ABHD17C: variants seen among roughly 807,000 people sequenced by gnomAD.
ABHD17C encodes abhydrolase domain containing 17C, depalmitoylase.
Under a neutral mutation model 27.9 loss-of-function variants are expected in ABHD17C, and 11 were observed. The ratio of observed to expected loss-of-function variants is 0.39; its 90% CI spans 0.25 to 0.65. ABHD17C has a LOEUF of 0.65. ABHD17C is among the 30% of genes least tolerant of loss of function. The probability of loss-of-function intolerance (pLI) is 0.45; values close to 1 mark genes in which losing one functional copy is unlikely to be tolerated. For missense variants in ABHD17C, 280 were observed against 470.2 expected, an observed-to-expected ratio of 0.60 and a Z score of 3.74; for synonymous variants, 233 against 209.1, an observed-to-expected ratio of 1.11 and a Z score of -0.98.
intron 2 of ABHD17C, among the ~76,000 whole-genome samples, chr15:80,751,921 G>A (rs1272788466): frequency 2.0e-5 from 3 of 152,180 alleles, no homozygotes; most frequent in African/African-American, 7.2e-5. Flanking sequence ...GTCCGTTGTT[G>A]CCAGATGGCA....
intron 1 of ABHD17C, among the ~76,000 whole-genome samples, chr15:80,713,900 C>CCACACACACACACACA (rs58311304): frequency 9.2e-5 from 13 of 141,144 alleles, no homozygotes; most frequent in South Asian, 2.4e-4. Context: ...CATATACAGA[C>CCACACACACACACACA]CACACACACA....
intron 2 of ABHD17C, among the ~76,000 whole-genome samples, chr15:80,751,807 C>T (rs1445167569): frequency 6.6e-6 from 1 of 152,120 alleles, no homozygotes; most frequent in Admixed American, 6.5e-5. Flanking sequence ...GAGACAAATC[C>T]TCATATTTAA....
chr15:80,723,887 G>A (rs1399375782), intron 1 of ABHD17C, among the ~76,000 whole-genome samples: 2 of 152,176 alleles, frequency 1.3e-5, no homozygotes, highest in Non-Finnish European at 2.9e-5. Context: ...CCTCCTGACG[G>A]CCTCTGAGCA....
chr15:80,720,153 G>C (rs180947688), intron 1 of ABHD17C, among the ~76,000 whole-genome samples: 1 of 152,110 alleles, frequency 6.6e-6, no homozygotes. Flanking sequence ...CATTTGCTCA[G>C]ATGTTTCTGT....
chr15:80,739,340 A>T (rs1412997416), intron 1 of ABHD17C, among the ~76,000 whole-genome samples: 1 of 152,078 alleles, frequency 6.6e-6, no homozygotes, highest in East Asian at 1.9e-4. Context: ...ACTGCCCTAC[A>T]TGTTGAATTT....
At chr15:80,718,784 A>G (rs779605757) in intron 1 of ABHD17C, among the ~76,000 whole-genome samples, 1 of 152,220 alleles carries the variant, frequency 6.6e-6, no homozygotes, top group Non-Finnish European at 1.5e-5. Context: ...CATCATTCCA[A>G]TAGAGTGGCG....
chr15:80,702,570 C>T (rs535246163), intron 1 of ABHD17C: 227 of 152,286 alleles, frequency 1.5e-3, no homozygotes, highest in African/African-American at 5.0e-3. Flanking sequence ...CATTCCCTAC[C>T]TTATATTACT....
chr15:80,715,906 C>G (rs1356840417), intron 1 of ABHD17C, among the ~76,000 whole-genome samples: 1 of 152,096 alleles, frequency 6.6e-6, no homozygotes, highest in African/African-American at 2.4e-5. Flanking sequence ...CATAGTCTTT[C>G]CCTATTTGAC....
rs963211896 is a variant in ABHD17C, at chr15:80,695,616, A to ACCG, written c.201_203dup (p.Ala69dup). 76 of 1,170,216 alleles carry ACCG rather than the reference A, an allele frequency of 6.5e-5. 1 individual carries two copies. Among genetic ancestry groups the ACCG allele is most frequent in the South Asian group, 2.5e-4 (6 of 24,224 alleles). The allele number at this position is 1,170,216 out of a possible 1,614,324, so 72.5% of individuals were successfully genotyped here. A position where few individuals can be genotyped will look rare whatever the true frequency, so the allele number is the denominator to read the frequency against. ...GTCCGCCCCGGCCCCGGCCCAGGCT[A>ACCG]CCGCCGCCGCCGCCGCGGCCCAGCC... is the stretch of plus-strand genomic sequence containing the variant. On this transcript the variant is annotated inframe_insertion, in exon 1 of 3. Coordinates refer to ENST00000258884, the MANE Select transcript of ABHD17C (RefSeq NM_021214.2). The surrounding 1 kb of genome is among the most constrained non-coding windows in gnomAD (Gnocchi z 4.3).
chr15:80,730,222 C>A (rs1293420682), intron 1 of ABHD17C, among the ~76,000 whole-genome samples: 1 of 152,146 alleles, frequency 6.6e-6, no homozygotes, highest in Non-Finnish European at 1.5e-5. Context: ...ATGCTCAGAA[C>A]AACTCCACCT....
At chr15:80,744,297 G>A (rs898027102) in intron 1 of ABHD17C, among the ~76,000 whole-genome samples, 4 of 152,042 alleles carry the variant, frequency 2.6e-5, no homozygotes, top group Non-Finnish European at 4.4e-5. Flanking sequence ...AATTTCCCAA[G>A]TAATTCAGAT....
intron 2 of ABHD17C, 80 bp downstream of exon 2, chr15:80,749,772 A>AC: frequency 2.0e-6 from 3 of 1,480,302 alleles, no homozygotes; most frequent in Non-Finnish European, 2.8e-6. Context: ...ATATCTGTGT[A>AC]AATATTTATT....
At chr15:80,701,568 A>T (rs1364788636) in intron 1 of ABHD17C, among the ~76,000 whole-genome samples, 1 of 151,592 alleles carries the variant, frequency 6.6e-6, no homozygotes, top group South Asian at 2.1e-4. Flanking sequence ...AATCCCACCT[A>T]CTCAAGAGGC....
Position 80,754,510 on chromosome 15 carries a change from T to A in ABHD17C, c.*140T>A. ...TAGGGTGTTCTAATCAAAGAGCTGA[T>A]GAAATCTCAGTCTTTTGTATCTAGA... On this transcript the variant is annotated 3_prime_UTR_variant, in exon 3 of 3. Transcript: ENST00000258884. 1 of 685,816 alleles carries A rather than the reference T, an allele frequency of 1.5e-6. No individual in the cohort carries two copies. The highest frequency in any genetic ancestry group is 2.4e-6 in the Non-Finnish European group (1 of 415,428). 42.5% of individuals were successfully genotyped at this position (685,816 alleles called of 1,614,324 possible).
At chr15:80,717,338 T>C (rs1894818593) in intron 1 of ABHD17C, among the ~76,000 whole-genome samples, 1 of 152,018 alleles carries the variant, frequency 6.6e-6, no homozygotes, top group Admixed American at 6.5e-5. Flanking sequence ...CTTGGGCTTA[T>C]TATTAATTTG....
intron 1 of ABHD17C, among the ~76,000 whole-genome samples, chr15:80,724,782 C>T (rs1567034771): frequency 6.6e-6 from 1 of 152,080 alleles, no homozygotes; most frequent in Non-Finnish European, 1.5e-5. Flanking sequence ...TTCTCCAGTT[C>T]CCTCCTCCTA....
At chr15:80,706,788 C>T (rs1261445033) in intron 1 of ABHD17C, among the ~76,000 whole-genome samples, 1 of 152,190 alleles carries the variant, frequency 6.6e-6, no homozygotes, top group African/African-American at 2.4e-5. Flanking sequence ...CTGCTGATCT[C>T]ACTTAAATAA....
intron 1 of ABHD17C, among the ~76,000 whole-genome samples, chr15:80,707,200 A>G (rs537824702): frequency 2.0e-5 from 3 of 152,334 alleles, no homozygotes; most frequent in Non-Finnish European, 4.4e-5. Flanking sequence ...TTATATATCT[A>G]CTTCTTAGGG....
chr15:80,754,160 G>A lies in ABHD17C; in HGVS notation c.780G>A (p.Lys260=), dbSNP rs1895402890. Residue 260 remains lysine, a synonymous_variant, in exon 3 of 3, where the codon AAG becomes AAA. Coordinates refer to ENST00000258884, the MANE Select transcript of ABHD17C (RefSeq NM_021214.2). ...CCTTTCTGTTTTGCAGCATTGACAA[G>A]ATATCTAAAGTCACCTCTCCTGTGT... ...YCFDAFPSID[K]ISKVTSPVLV... is the part of the protein sequence containing the mutation. 1 of 1,613,622 alleles carries A rather than the reference G, an allele frequency of 6.2e-7. No individual in the cohort carries two copies. The highest frequency in any genetic ancestry group is 8.5e-7 in the Non-Finnish European group (1 of 1,179,744).
Sources: gnomAD v4.1 joint callset for allele counts (sites outside exome capture counted in the v4.1 genomes callset) on GRCh38, gnomAD v4.1.1 for gene constraint, Gnocchi (gnomAD v3.1) non-coding constraint, MANE v1.5 for transcripts, NCBI Gene and HGNC (gene_info 2026-07-23, HGNC 2026-07-21) for gene names.